The following KIAA1328 variants were observed in gnomAD, a reference collection of about 807,000 sequenced individuals.
The protein encoded by KIAA1328 is protein hinderin.
KIAA1328 carries 52 observed loss-of-function variants against 68.1 expected under a neutral mutation model. The observed-to-expected ratio is 0.76, with a 90% CI of 0.61 to 0.96. The LOEUF (loss-of-function observed/expected upper bound fraction) is 0.96. Among genes scored for constraint, KIAA1328 ranks in the 40% least tolerant of loss-of-function variants. The pLI, the probability that KIAA1328 is intolerant of heterozygous loss-of-function variation, is 0.00. For synonymous variants in KIAA1328, 232 were observed against 239.4 expected (o/e 0.97, Z 0.28); for missense variants, 641 against 677.6 (o/e 0.95, Z 0.60).
Position 37,099,380 on chromosome 18 carries a change from C to A in KIAA1328, c.1232+31835C>A, listed in dbSNP as rs530395360. ...GTTGTTCAGTTTCCATGTAGTTGAG[C>A]GGTTTTGAATGAGTTTCTTGATCCT... On this transcript the variant is annotated intron_variant, in intron 7 of 9. Coordinates refer to ENST00000280020, the MANE Select transcript of KIAA1328 (RefSeq NM_020776.3). 2.0e-4 allele frequency among the ~76,000 whole-genome samples: 31 copies of A among 152,238 alleles called. 1 individual carries two copies. In the South Asian group the frequency reaches 3.5e-3, roughly 17 times the overall value.
chr18:37,163,344 T>C (rs1451906059), intron 8 of KIAA1328, among the ~76,000 whole-genome samples: 1 of 152,216 alleles, frequency 6.6e-6, no homozygotes, highest in Non-Finnish European at 1.5e-5. Flanking sequence ...CTGTAAAACC[T>C]GACTTTGGCC....
At chr18:37,115,763 C>A (rs2058087907) in intron 7 of KIAA1328, among the ~76,000 whole-genome samples, 1 of 152,150 alleles carries the variant, frequency 6.6e-6, no homozygotes, top group Admixed American at 6.5e-5. Context: ...ATCTAGAAAA[C>A]CCCATCGTCT....
intron 7 of KIAA1328, among the ~76,000 whole-genome samples, chr18:37,080,129 C>CT (rs2056900165): frequency 6.6e-6 from 1 of 152,082 alleles, no homozygotes; most frequent in Non-Finnish European, 1.5e-5. Flanking sequence ...AAATTTGTTA[C>CT]TTTTTTTAAC....
rs8085064 is a variant in KIAA1328, at chr18:37,223,300, T to C, written c.*1073T>C. ...CCACCCAAGCAGGGTCTCCCTACTT[T>C]TTCTCACTGGCCTCGTTTTGACCCA... On this transcript the variant is annotated 3_prime_UTR_variant, in exon 10 of 10. Coordinates refer to ENST00000280020, the MANE Select transcript of KIAA1328 (RefSeq NM_020776.3). 2.0e-3 allele frequency: 2,014 copies of C among 985,340 alleles called. 35 individuals are homozygous for C. In the African/African-American group the frequency reaches 0.033, roughly 16 times the overall value. 61.0% of individuals were successfully genotyped at this position (985,340 alleles called of 1,614,324 possible). A position where few individuals can be genotyped will look rare whatever the true frequency, so the allele number is the denominator to read the frequency against.
intron 6 of KIAA1328, chr18:37,063,688 G>T (rs923606236): frequency 4.5e-5 from 44 of 984,792 alleles, no homozygotes; most frequent in Non-Finnish European, 5.2e-5. Flanking sequence ...TCATTAAGCT[G>T]TACTACCTCT....
At chr18:36,968,763 G>A (rs1404368154) in intron 6 of KIAA1328, among the ~76,000 whole-genome samples, 1 of 152,070 alleles carries the variant, frequency 6.6e-6, no homozygotes, top group Non-Finnish European at 1.5e-5. Flanking sequence ...TTCAGGACCT[G>A]AACACTGGAC....
chr18:37,205,236 T>G (rs563637255), intron 9 of KIAA1328, among the ~76,000 whole-genome samples: 44 of 152,230 alleles, frequency 2.9e-4, no homozygotes, highest in Admixed American at 8.5e-4. Flanking sequence ...GACTACACAT[T>G]AAGGCCAGAA....
intron 6 of KIAA1328, among the ~76,000 whole-genome samples, chr18:37,058,060 G>A (rs939058774): frequency 5.3e-5 from 8 of 152,138 alleles, no homozygotes; most frequent in Non-Finnish European, 1.0e-4. Context: ...CAGACAACAC[G>A]ACAGAGAAGG....
chr18:37,063,875 A>G (rs540878686), intron 6 of KIAA1328, among the ~76,000 whole-genome samples: 8 of 152,266 alleles, frequency 5.3e-5, no homozygotes, highest in African/African-American at 1.9e-4. Flanking sequence ...CTGGATATGA[A>G]TATATAATAT....
At chr18:37,084,254 A>G in intron 7 of KIAA1328, 1 of 1,370,832 alleles carries the variant, frequency 7.3e-7, no homozygotes, top group Non-Finnish European at 9.7e-7. Context: ...GTCTCAGTTA[A>G]AACAAGAATC....
At chr18:36,980,712 T>C (rs895794794) in intron 6 of KIAA1328, among the ~76,000 whole-genome samples, 14 of 152,144 alleles carry the variant, frequency 9.2e-5, no homozygotes, top group African/African-American at 3.4e-4. Context: ...TCCCATGTGT[T>C]ATGGGAGGTA....
intron 6 of KIAA1328, among the ~76,000 whole-genome samples, chr18:36,976,313 T>C (rs2052469440): frequency 6.6e-6 from 1 of 152,222 alleles, no homozygotes; most frequent in African/African-American, 2.4e-5. Context: ...TGTAAGCTAG[T>C]CGTGACTGGG....
chr18:36,862,951 T>C (rs1280034124), intron 4 of KIAA1328, among the ~76,000 whole-genome samples: 1 of 152,212 alleles, frequency 6.6e-6, no homozygotes, highest in Non-Finnish European at 1.5e-5. Context: ...TATTTCCATC[T>C]GTATCTTCTT....
chr18:37,176,515 C>T (rs940373968), intron 9 of KIAA1328, among the ~76,000 whole-genome samples: 1 of 152,212 alleles, frequency 6.6e-6, no homozygotes, highest in African/African-American at 2.4e-5. Flanking sequence ...TGATCACACA[C>T]CCCTAAGCTG....
chr18:37,143,816 A>G (rs1480422910), intron 7 of KIAA1328, among the ~76,000 whole-genome samples: 1 of 151,900 alleles, frequency 6.6e-6, no homozygotes, highest in Non-Finnish European at 1.5e-5. Flanking sequence ...TTTTAGTGGT[A>G]CCACTTACCT....
intron 6 of KIAA1328, among the ~76,000 whole-genome samples, chr18:37,026,185 T>G (rs973280262): frequency 8.5e-5 from 13 of 152,132 alleles, no homozygotes; most frequent in Non-Finnish European, 1.8e-4. Flanking sequence ...AGAAATTGAA[T>G]CTCTGAATAG....
At chr18:37,049,718 ACT>A (rs1181798969) in intron 6 of KIAA1328, among the ~76,000 whole-genome samples, 2 of 151,948 alleles carry the variant, frequency 1.3e-5, no homozygotes, top group African/African-American at 4.8e-5. Flanking sequence ...CTTAAGAAAG[ACT>A]CTGATCTTTA....
chr18:36,975,831 A>G (rs183440913), intron 6 of KIAA1328, among the ~76,000 whole-genome samples: 14 of 152,288 alleles, frequency 9.2e-5, no homozygotes, highest in Non-Finnish European at 1.5e-4. Flanking sequence ...CCAGTTAAGA[A>G]CTATGAAGGA....
At chr18:37,137,484 A>G (rs992089309) in intron 7 of KIAA1328, among the ~76,000 whole-genome samples, 4 of 152,096 alleles carry the variant, frequency 2.6e-5, no homozygotes, top group African/African-American at 9.7e-5. Context: ...CTGGTCTACT[A>G]TATCACTCAA....
Sources: allele counts gnomAD v4.1 joint callset (sites outside exome capture counted in the v4.1 genomes callset), GRCh38; gene constraint gnomAD v4.1.1; transcripts MANE v1.5; gene names NCBI Gene and HGNC (gene_info 2026-07-23, HGNC 2026-07-21).